Variants in DBX1 observed in about 807,000 individuals in gnomAD.
The protein encoded by DBX1 is homeobox protein DBX1.
A neutral mutation model predicts 20.8 loss-of-function variants in DBX1; 10 were observed. The observed-to-expected ratio is 0.48, with a 90% CI of 0.30 to 0.82. DBX1 has a LOEUF of 0.82. DBX1 is among the 40% of genes least tolerant of loss of function. The probability of loss-of-function intolerance (pLI) is 0.07; values close to 1 mark genes in which losing one functional copy is unlikely to be tolerated. For missense variants in DBX1, 505 were observed against 468.8 expected, an observed-to-expected ratio of 1.08 and a Z score of -0.71; for synonymous variants, 241 against 213.9, an observed-to-expected ratio of 1.13 and a Z score of -1.11.
chr11:20,157,623 C>T (rs2063666827), intron 2 of DBX1, among the ~76,000 whole-genome samples: 1 of 152,172 alleles, frequency 6.6e-6, no homozygotes, highest in Non-Finnish European at 1.5e-5. Context: ...CTCCCCTAAG[C>T]TTTTATCATT....
chr11:20,160,341 C>A lies in DBX1; in HGVS notation c.-17G>T, dbSNP rs1486047564. 3 of 1,484,580 alleles carry A rather than the reference C, an allele frequency of 2.0e-6. No individual in the cohort carries two copies. The highest frequency in any genetic ancestry group is 1.3e-5 in the South Asian group (1 of 76,130). The allele number at this position is 1,484,580 out of a possible 1,614,324, so 92.0% of individuals were successfully genotyped here. A position where few individuals can be genotyped will look rare whatever the true frequency, so the allele number is the denominator to read the frequency against. On this transcript the variant is annotated 5_prime_UTR_variant, in exon 1 of 4. Transcript: ENST00000524983. ...GAACATCATGGTAGGCGCGGGCGGG[C>A]GAAATAACCCTTCTTTCAGTGGCCG...
At position 20,160,053 on chromosome 11, in the gene DBX1, C is replaced by G; in HGVS notation, c.272G>C (p.Arg91Pro). 6.3e-7 allele frequency: 1 copy of G among 1,583,190 alleles called. No individual in the cohort carries two copies. The highest frequency in any genetic ancestry group is 8.6e-7 in the Non-Finnish European group (1 of 1,165,042). Residue 91 changes from arginine (R) to proline (P), a missense_variant, in exon 1 of 4, where the codon CGG becomes CCG. Coordinates refer to ENST00000524983, the MANE Select transcript of DBX1 (RefSeq NM_001029865.4). Reference sequence around the variant, plus strand: ...GAAGGCAGTCGGCGGAGAGCCGCCCCGTCGGCTGCCGGGACCCGGGGAGCC... The same window carrying G: ...GAAGGCAGTCGGCGGAGAGCCGCCCGGTCGGCTGCCGGGACCCGGGGAGCC... ...DLGSPGPGSRRGGSPPTAFSP... is the reference protein window; with the variant it reads ...DLGSPGPGSRPGGSPPTAFSP...
intron 2 of DBX1, 52 bp downstream of exon 2, chr11:20,159,139 C>T: frequency 7.7e-7 from 1 of 1,304,082 alleles, no homozygotes; most frequent in Non-Finnish European, 1.1e-6. Context: ...GAGCGATGGG[C>T]CGGGGCTGGG....
Position 20,160,303 on chromosome 11 carries a change from C to T in DBX1, c.22G>A (p.Ala8Thr). 2 of 1,524,746 alleles carry T rather than the reference C, an allele frequency of 1.3e-6. No individual in the cohort carries two copies. Among genetic ancestry groups the T allele is most frequent in the Non-Finnish European group, 1.8e-6 (2 of 1,137,896 alleles). The allele number at this position is 1,524,746 out of a possible 1,614,324, so 94.5% of individuals were successfully genotyped here. A position where few individuals can be genotyped will look rare whatever the true frequency, so the allele number is the denominator to read the frequency against. Residue 8 changes from alanine (A) to threonine (T), a missense_variant, in exon 1 of 4, where the codon GCG (alanine) becomes ACG (threonine). Coordinates refer to ENST00000524983, the MANE Select transcript of DBX1 (RefSeq NM_001029865.4). Reference protein sequence around the residue: MMFPGLLAPPAGYPSLLR... With the variant: MMFPGLLTPPAGYPSLLR... ...AGGCTAGGGTACCCGGCGGGGGGCG[C>T]GAGGAGGCCGGGGAACATCATGGTA...
At position 20,156,826 on chromosome 11, in the gene DBX1, G is replaced by T. The variant is rs527653461; in HGVS notation, c.672+211C>A. Reference sequence around the variant, plus strand: ...GGGTTGGGGGCCGGTGAGGCCGGGAGAGAAGGCGGGGAGTCGGGGTGGGGA... The same window carrying T: ...GGGTTGGGGGCCGGTGAGGCCGGGATAGAAGGCGGGGAGTCGGGGTGGGGA... On this transcript the variant is annotated intron_variant, in intron 3 of 3. Transcript: ENST00000524983. The surrounding 1 kb of genome is among the most constrained non-coding windows in gnomAD (Gnocchi z 4.8). 6.6e-6 allele frequency: 5 copies of T among 753,106 alleles called. No individual in the cohort carries two copies. The highest frequency in any genetic ancestry group is 5.3e-5 in the East Asian group (2 of 37,550). The allele number at this position is 753,106 out of a possible 1,614,324, so 46.7% of individuals were successfully genotyped here. A position where few individuals can be genotyped will look rare whatever the true frequency, so the allele number is the denominator to read the frequency against.
chr11:20,158,170 AG>A (rs1456971523), intron 2 of DBX1, among the ~76,000 whole-genome samples: 1 of 134,842 alleles, frequency 7.4e-6, no homozygotes, highest in East Asian at 2.4e-4. Context: ...TGAGGGAGAA[AG>A]GGAGCAAATT....
chr11:20,159,302 G>C lies in DBX1; in HGVS notation c.368-10C>G. 6.3e-7 allele frequency: 1 copy of C among 1,582,056 alleles called. No homozygotes were observed. The highest frequency in any genetic ancestry group is 8.7e-7 in the Non-Finnish European group (1 of 1,151,036). On this transcript the variant is annotated splice_polypyrimidine_tract_variant and intron_variant, in intron 1 of 3. Coordinates refer to ENST00000524983, the MANE Select transcript of DBX1 (RefSeq NM_001029865.4). ...AAGGCTGGGGATGTTTCTGGTGGGC[G>C]ATGGAGGGGGGACAGAAGGAGAGAG...
In DBX1 at chr11:20,160,355, T is replaced by C. The variant is rs1187911994; in HGVS notation, c.-31A>G. On this transcript the variant is annotated 5_prime_UTR_variant, in exon 1 of 4. Transcript: ENST00000524983. Reference sequence around the variant, plus strand: ...GCGCGGGCGGGCGAAATAACCCTTCTTTCAGTGGCCGGAGGGTAAACGCCT... The same window carrying C: ...GCGCGGGCGGGCGAAATAACCCTTCCTTCAGTGGCCGGAGGGTAAACGCCT... The C allele has an allele frequency of 5.4e-6, 8 of 1,474,016 alleles. No individual in the cohort carries two copies. Among genetic ancestry groups the C allele is most frequent in the Non-Finnish European group, 7.2e-6 (8 of 1,114,386 alleles). The allele number at this position is 1,474,016 out of a possible 1,614,324, so 91.3% of individuals were successfully genotyped here.
Position 20,156,748 on chromosome 11 carries a change from C to T in DBX1, c.673-175G>A, listed in dbSNP as rs370869182. 6.7e-5 allele frequency: 72 copies of T among 1,078,870 alleles called. No homozygotes were observed. The highest frequency in any genetic ancestry group is 8.2e-5 in the Non-Finnish European group (59 of 715,908). The allele number at this position is 1,078,870 out of a possible 1,614,324, so 66.8% of individuals were successfully genotyped here. A position where few individuals can be genotyped will look rare whatever the true frequency, so the allele number is the denominator to read the frequency against. On this transcript the variant is annotated intron_variant, in intron 3 of 3. Transcript: ENST00000524983. The surrounding 1 kb of genome is among the most constrained non-coding windows in gnomAD (Gnocchi z 4.8). ...ATTCCCGCATTGACTCCGCCCCCGC[C>T]TCAGCTCGCGGTTCCGTTTGCCTCA... is the stretch of plus-strand genomic sequence containing the variant.
In DBX1 at chr11:20,159,339, G is replaced by T. The variant is rs778912827; in HGVS notation, c.368-47C>A. The T allele has an allele frequency of 5.4e-6, 7 of 1,292,324 alleles. No individual in the cohort carries two copies. In the African/African-American group the frequency reaches 7.3e-5, roughly 14 times the overall value. 80.1% of individuals were successfully genotyped at this position (1,292,324 alleles called of 1,614,324 possible). A position where few individuals can be genotyped will look rare whatever the true frequency, so the allele number is the denominator to read the frequency against. On this transcript the variant is annotated intron_variant, in intron 1 of 3. Coordinates refer to ENST00000524983, the MANE Select transcript of DBX1 (RefSeq NM_001029865.4). ...ACAGAAGGAGAGAGGGAGACAGAAA[G>T]AATCTGATTACGTACTTGCCTATTG...
Position 20,156,428 on chromosome 11 carries a change from G to T in DBX1, c.818C>A (p.Pro273His), listed in dbSNP as rs200861778. 3.1e-5 allele frequency: 50 copies of T among 1,606,604 alleles called. 1 individual carries two copies. The Middle Eastern group carries it at 2.0e-3, about 63-fold the overall frequency. The change falls in exon 4 of 4, where the codon CCT becomes CAT. Residue 273 changes from proline (P) to histidine (H), a missense_variant. Transcript: ENST00000524983. This position sits in a 1 kb window ranked among gnomAD's most constrained non-coding sequence, Gnocchi z 4.8. The stretch of plus-strand genomic sequence containing the variant: ...GCCCTCCTCCTCCTCTTCGTTCCCA[G>T]GGCCCTTCTGGCCCACGTCGCTGAG... The part of the protein sequence containing the change: ...PDLSDVGQKG[P>H]GNEEEEEGPG...
Position 20,160,432 on chromosome 11 carries a change from A to G in DBX1, c.-108T>C, listed in dbSNP as rs928297129. On this transcript the variant is annotated 5_prime_UTR_variant, in exon 1 of 4. Transcript: ENST00000524983. ...GTGTCCTCTCTCTTGGGCTTAGCAA[A>G]CGTCTCCAAGTAACAATCCCACTTG... 2.9e-6 allele frequency: 4 copies of G among 1,363,334 alleles called. No homozygotes were observed. The South Asian group carries it at 6.5e-5, about 22-fold the overall frequency. The allele number at this position is 1,363,334 out of a possible 1,614,324, so 84.5% of individuals were successfully genotyped here.
chr11:20,157,289 C>G (rs749353648), intron 2 of DBX1, 50 bp from the exon 3 acceptor site: 2 of 1,482,518 alleles, frequency 1.3e-6, no homozygotes, highest in Non-Finnish European at 1.8e-6. Flanking sequence ...CCCCCCAGTC[C>G]CAACACGGCT....
At chr11:20,159,082 G>A in intron 2 of DBX1, 109 bp downstream of exon 2, 1 of 779,804 alleles carries the variant, frequency 1.3e-6, no homozygotes, top group East Asian at 2.5e-5. Context: ...CTCTGAACCA[G>A]AGCATAACCC....
chr11:20,159,234 G>A lies in DBX1; in HGVS notation c.426C>T (p.Phe142=). 6.2e-7 allele frequency: 1 copy of A among 1,613,910 alleles called. No individual in the cohort carries two copies. The highest frequency in any genetic ancestry group is 8.5e-7 in the Non-Finnish European group (1 of 1,179,912). ...TGATGAAAGGCTGAAAAGACCCTTC[G>A]AAGTAGGGAAAGGCGAAGGTCTTGG... The part of the protein sequence containing the change: ...VPPKTFAFPY[F]EGSFQPFIRS... Residue 142 remains phenylalanine (F), a synonymous_variant, in exon 2 of 4, where the codon TTC becomes TTT. Transcript: ENST00000524983.
At chr11:20,159,594 T>C (rs1192024984) in intron 1 of DBX1, among the ~76,000 whole-genome samples, 1 of 151,152 alleles carries the variant, frequency 6.6e-6, no homozygotes, top group Non-Finnish European at 1.5e-5. Context: ...ATTTATAATA[T>C]TTGCTAATCC....
chr11:20,158,484 A>C (rs1420343519), intron 2 of DBX1, among the ~76,000 whole-genome samples: 1 of 152,186 alleles, frequency 6.6e-6, no homozygotes, highest in Non-Finnish European at 1.5e-5. Context: ...AAGCTGCCTA[A>C]GGTGTTGCTG....
intron 2 of DBX1, 79 bp from the exon 3 acceptor site, chr11:20,157,318 T>C (rs2063665326): frequency 7.5e-7 from 1 of 1,330,890 alleles, no homozygotes; most frequent in African/African-American, 1.5e-5. Context: ...CTTTTTGCTC[T>C]GATCCCTTCA....
intron 1 of DBX1, 43 bp from the exon 2 acceptor site, chr11:20,159,335 G>A: frequency 1.5e-6 from 2 of 1,310,382 alleles, no homozygotes; most frequent in Non-Finnish European, 2.2e-6. Flanking sequence ...GAGGGAGACA[G>A]AAAGAATCTG....
Sources: gnomAD v4.1 joint callset for allele counts (sites outside exome capture counted in the v4.1 genomes callset) on GRCh38, gnomAD v4.1.1 for gene constraint, Gnocchi (gnomAD v3.1) non-coding constraint, MANE v1.5 for transcripts, NCBI Gene and HGNC (gene_info 2026-07-23, HGNC 2026-07-21) for gene names.